The following HS6ST1 variants were observed in gnomAD, a reference collection of about 807,000 sequenced individuals.
The protein encoded by HS6ST1 is heparan sulfate 6-O-sulfotransferase 1.
Under a neutral mutation model 25.2 loss-of-function variants are expected in HS6ST1, and 3 were observed. That is an observed-to-expected ratio of 0.12 (90% CI 0.05 to 0.31). The LOEUF is 0.31. HS6ST1 is among the 10% of genes least tolerant of loss of function. HS6ST1 has a pLI of 1.00. For synonymous variants in HS6ST1, 204 were observed against 275.1 expected (o/e 0.74, Z 2.56); for missense variants, 310 against 609.6 (o/e 0.51, Z 5.18).
intron 1 of HS6ST1, among the ~76,000 whole-genome samples, chr2:128,299,984 T>TTCCCATCAGCAC (rs1337339534): frequency 2.0e-5 from 3 of 152,074 alleles, no homozygotes; most frequent in Non-Finnish European, 2.9e-5. Context: ...TGCCAGCCGC[T>TTCCCATCAGCAC]TCCCATCAGC....
At chr2:128,278,098 G>A (rs1012472250) in intron 1 of HS6ST1, among the ~76,000 whole-genome samples, 6 of 152,274 alleles carry the variant, frequency 3.9e-5, no homozygotes, top group African/African-American at 1.4e-4. Context: ...GGAAAATCCT[G>A]CAGGTACAGC....
At position 128,302,620 on chromosome 2, in the gene HS6ST1, G is replaced by C. The variant is rs182183055; in HGVS notation, c.527+15417C>G. On this transcript the variant is annotated intron_variant, in intron 1 of 1. Coordinates refer to ENST00000259241, the MANE Select transcript of HS6ST1 (RefSeq NM_004807.3). ...CCCTCCCAAACCCCCTGCTACTCCT[G>C]TGCCTGGTGGCTGGCTCCCCTCCCC... 7.0e-3 allele frequency among the ~76,000 whole-genome samples: 1,060 copies of C among 152,196 alleles called. 15 individuals are homozygous for C. Among genetic ancestry groups the C allele is most frequent in the African/African-American group, 0.024 (986 of 41,524 alleles).
In HS6ST1 at chr2:128,268,362, G is replaced by C; in HGVS notation, c.1036C>G (p.Gln346Glu). 3.7e-6 allele frequency: 6 copies of C among 1,613,674 alleles called. No individual in the cohort carries two copies. The highest frequency in any genetic ancestry group is 5.1e-6 in the Non-Finnish European group (6 of 1,179,874). ...RIEELNDLDMQLYDYAKDLFQ... is the reference protein window; with the variant it reads ...RIEELNDLDMELYDYAKDLFQ... ...AGGTCCTTGGCGTAGTCGTACAGCT[G>C]CATGTCCAGGTCGTTGAGCTCCTCG... is the stretch of plus-strand genomic sequence containing the variant. The change falls in exon 2 of 2, where the codon CAG becomes GAG. Residue 346 changes from glutamine to glutamate, a missense_variant. Gln to Glu is a conservative substitution (Grantham distance 29, BLOSUM62 2). Around this residue, in one of 5 missense-constraint regions of HS6ST1, gnomAD observed 140 missense variants for 176.5 expected, o/e 0.79. Coordinates refer to ENST00000259241, the MANE Select transcript of HS6ST1 (RefSeq NM_004807.3).
chr2:128,293,146 C>G (rs1003119795), intron 1 of HS6ST1, among the ~76,000 whole-genome samples: 1 of 152,136 alleles, frequency 6.6e-6, no homozygotes, highest in African/African-American at 2.4e-5. Context: ...GCAGTGGGGC[C>G]CAAACCAGCC....
At position 128,266,065 on chromosome 2, in the gene HS6ST1, G is replaced by C. The variant is rs1400615096; in HGVS notation, c.*2097C>G. 6.6e-6 allele frequency: 1 copy of C among 151,328 alleles called. No individual in the cohort carries two copies. Among genetic ancestry groups the C allele is most frequent in the Non-Finnish European group, 1.5e-5 (1 of 67,822 alleles). The allele number at this position is 151,328 out of a possible 1,614,324, so 9.4% of individuals were successfully genotyped here. ...CGTGCTTCCGTGTGAGTTGGGATGCGGGGCATAAGTTAACACATATTCCAA... is the reference window on the plus strand; with the variant it reads ...CGTGCTTCCGTGTGAGTTGGGATGCCGGGCATAAGTTAACACATATTCCAA... On this transcript the variant is annotated 3_prime_UTR_variant, in exon 2 of 2. Transcript: ENST00000259241.
rs370149611 is a variant in HS6ST1, at chr2:128,268,672, C to T, written c.726G>A (p.Pro242=). The T allele has an allele frequency of 1.7e-4, 269 of 1,611,554 alleles. 1 individual carries two copies. The highest frequency in any genetic ancestry group is 6.1e-4 in the Middle Eastern group (3 of 4,896). Residue 242 remains proline, a synonymous_variant, in exon 2 of 2, where the codon CCG becomes CCA. Coordinates refer to ENST00000259241, the MANE Select transcript of HS6ST1 (RefSeq NM_004807.3). Reference sequence around the variant, plus strand: ...CCTGGCGGTTGTTGGCCAGGTTGTACGGGCAGTCCATGAACTCCTGTAGCG... The same window carrying T: ...CCTGGCGGTTGTTGGCCAGGTTGTATGGGCAGTCCATGAACTCCTGTAGCG... ...GCTLQEFMDC[P]YNLANNRQVR...
chr2:128,296,846 G>A (rs962347729), intron 1 of HS6ST1, among the ~76,000 whole-genome samples: 1 of 152,148 alleles, frequency 6.6e-6, no homozygotes, highest in African/African-American at 2.4e-5. Context: ...AGTATTTGCT[G>A]CATAAATAGA....
intron 1 of HS6ST1, among the ~76,000 whole-genome samples, chr2:128,300,447 G>A (rs969852150): frequency 1.3e-5 from 2 of 152,300 alleles, no homozygotes; most frequent in African/African-American, 4.8e-5. Context: ...CCTGGGCCAC[G>A]TCAAGGGGGC....
intron 1 of HS6ST1, among the ~76,000 whole-genome samples, chr2:128,297,049 G>C (rs1335565970): frequency 6.6e-6 from 1 of 152,208 alleles, no homozygotes; most frequent in East Asian, 1.9e-4. Context: ...ATGACAAAGC[G>C]AGACCCTGTC....
intron 1 of HS6ST1, among the ~76,000 whole-genome samples, chr2:128,290,608 G>A (rs1693936306): frequency 6.6e-6 from 1 of 152,120 alleles, no homozygotes; most frequent in African/African-American, 2.4e-5. Flanking sequence ...ACAGAGCTCA[G>A]TAAATGTGTA....
In HS6ST1 at chr2:128,318,843, G is replaced by C. The variant is rs1002740078; in HGVS notation, c.-280C>G. 6.8e-6 allele frequency among the ~76,000 whole-genome samples: 1 copy of C among 147,552 alleles called. No individual in the cohort carries two copies. Among genetic ancestry groups the C allele is most frequent in the Non-Finnish European group, 1.5e-5 (1 of 66,274 alleles). On this transcript the variant is annotated 5_prime_UTR_variant, in exon 1 of 2. Coordinates refer to ENST00000259241, the MANE Select transcript of HS6ST1 (RefSeq NM_004807.3). This position sits in a 1 kb window ranked among gnomAD's most constrained non-coding sequence, Gnocchi z 5.7. Reference sequence around the variant, plus strand: ...CGCGCCCCCAGCACCAGCCCGCTCCGCTCCACTCCGCGCCGAGAACGCTCT... The same window carrying C: ...CGCGCCCCCAGCACCAGCCCGCTCCCCTCCACTCCGCGCCGAGAACGCTCT...
intron 1 of HS6ST1, among the ~76,000 whole-genome samples, chr2:128,269,218 C>G (rs962752056): frequency 1.3e-5 from 2 of 152,206 alleles, no homozygotes; most frequent in Admixed American, 1.3e-4. Context: ...TCTTCACCAG[C>G]TGTTTACAGC....
intron 1 of HS6ST1, among the ~76,000 whole-genome samples, chr2:128,301,809 T>TCCCC (rs935729361): frequency 4.6e-5 from 7 of 152,022 alleles, no homozygotes; most frequent in African/African-American, 1.7e-4. Context: ...CTCCATGGGG[T>TCCCC]CCCCGGCACT....
Position 128,268,261 on chromosome 2 carries a change from C to G in HS6ST1, c.1137G>C (p.Leu379=). 6.2e-7 allele frequency: 1 copy of G among 1,611,880 alleles called. No individual in the cohort carries two copies. The highest frequency in any genetic ancestry group is 8.5e-7 in the Non-Finnish European group (1 of 1,179,616). Residue 379 remains leucine, a synonymous_variant, in exon 2 of 2, where the codon CTG becomes CTC. Transcript: ENST00000259241. ...EQRLRSREER[L]LHRAKEALPR... Reference sequence around the variant, plus strand: ...GCAGTGCCTCCTTGGCCCGGTGCAGCAGACGCTCCTCGCGGCTCCTCAGGC... The same window carrying G: ...GCAGTGCCTCCTTGGCCCGGTGCAGGAGACGCTCCTCGCGGCTCCTCAGGC...
intron 1 of HS6ST1, 134 bp downstream of exon 1, chr2:128,317,903 G>A (rs1018486962): frequency 9.2e-7 from 1 of 1,089,734 alleles, no homozygotes; most frequent in Non-Finnish European, 1.2e-6. Context: ...GTCGGGAGGG[G>A]TGCCGGCGAG....
chr2:128,290,100 C>T (rs1558874401), intron 1 of HS6ST1: 1 of 151,480 alleles, frequency 6.6e-6, no homozygotes, highest in East Asian at 1.9e-4. Flanking sequence ...AGTGAGAGCA[C>T]CCACTCACAA....
At chr2:128,317,469 G>A (rs1694389348) in intron 1 of HS6ST1, among the ~76,000 whole-genome samples, 1 of 152,236 alleles carries the variant, frequency 6.6e-6, no homozygotes, top group Non-Finnish European at 1.5e-5. Context: ...CCAGCCCCAG[G>A]TCAACAGGGC....
intron 1 of HS6ST1, among the ~76,000 whole-genome samples, chr2:128,298,374 T>G (rs1290359944): frequency 6.6e-6 from 1 of 152,204 alleles, no homozygotes; most frequent in Admixed American, 6.5e-5. Flanking sequence ...TACACCCATG[T>G]TCCCAGCAGC....
intron 1 of HS6ST1, among the ~76,000 whole-genome samples, chr2:128,278,903 AAT>A (rs1419525051): frequency 6.6e-6 from 1 of 152,258 alleles, no homozygotes; most frequent in Non-Finnish European, 1.5e-5. Flanking sequence ...CATAAGCCCA[AAT>A]GTGACCATAA....
Sources: gnomAD v4.1 joint callset for allele counts (sites outside exome capture counted in the v4.1 genomes callset) on GRCh38, gnomAD v4.1.1 for gene constraint, gnomAD v4.1.1 regional missense constraint, Gnocchi (gnomAD v3.1) non-coding constraint, MANE v1.5 for transcripts, NCBI Gene and HGNC (gene_info 2026-07-23, HGNC 2026-07-21) for gene names.